The following SNRPB2 variants were observed in gnomAD, a reference collection of about 807,000 sequenced individuals.
SNRPB2 encodes the protein small nuclear ribonucleoprotein polypeptide B2.
A neutral mutation model predicts 26.3 loss-of-function variants in SNRPB2; 16 were observed. The observed-to-expected ratio is 0.61, with a 90% confidence interval of 0.41 to 0.92. The LOEUF is 0.92. Ranked by LOEUF, SNRPB2 falls within the 40% of genes least tolerant of loss-of-function variation. SNRPB2 has a pLI of 0.00. For missense variants in SNRPB2, 179 were observed against 268.1 expected, an observed-to-expected ratio of 0.67 and a Z score of 2.32; for synonymous variants, 75 against 89.0, an observed-to-expected ratio of 0.84 and a Z score of 0.88.
At chr20:16,739,569 G>GT (rs1482818529) in intron 5 of SNRPB2, among the ~76,000 whole-genome samples, 1 of 151,950 alleles carries the variant, frequency 6.6e-6, no homozygotes. Flanking sequence ...AGTTACTTGG[G>GT]TTTTTTATCT....
intron 5 of SNRPB2, among the ~76,000 whole-genome samples, chr20:16,739,905 A>G (rs1019208636): frequency 7.2e-6 from 1 of 139,370 alleles, no homozygotes; most frequent in Non-Finnish European, 1.6e-5. Context: ...TCTAGTTCCA[A>G]TTTTTTTTTT....
intron 3 of SNRPB2, among the ~76,000 whole-genome samples, 198 bp from the exon 4 acceptor site, chr20:16,737,063 A>G (rs2072430764): frequency 6.6e-6 from 1 of 152,204 alleles, no homozygotes; most frequent in Non-Finnish European, 1.5e-5. Context: ...AACACACTTG[A>G]ATCTAACTTT....
Position 16,738,842 on chromosome 20 carries a change from T to C in SNRPB2, c.379-10T>C. On this transcript the variant is annotated splice_polypyrimidine_tract_variant and intron_variant, in intron 4 of 6. Coordinates refer to ENST00000246071, the MANE Select transcript of SNRPB2 (RefSeq NM_003092.5). ...TGGATATTTAAACTCTCCCTATTTA[T>C]TTTGCTTAGGGAACTCCAAATTCAG... 4 of 1,552,772 alleles carry C rather than the reference T, an allele frequency of 2.6e-6. No individual in the cohort carries two copies. The highest frequency in any genetic ancestry group is 3.6e-6 in the Non-Finnish European group (4 of 1,124,660).
At chr20:16,737,440 T>C in intron 4 of SNRPB2, 39 bp downstream of exon 4, 1 of 1,545,644 alleles carries the variant, frequency 6.5e-7, no homozygotes, top group Non-Finnish European at 8.7e-7. Context: ...GTATTGGTGT[T>C]AAAAACTTGA....
At position 16,734,570 on chromosome 20, in the gene SNRPB2, A is replaced by G. The variant is rs550686868; in HGVS notation, c.237+2234A>G. ...TTGTGGTTAGACTTTTATCTCTAAT[A>G]GGTATTTAGCCTAGACTAGCGTTTC... On this transcript the variant is annotated intron_variant, in intron 3 of 6. Transcript: ENST00000246071. 1.5e-4 allele frequency among the ~76,000 whole-genome samples: 23 copies of G among 152,304 alleles called. 1 individual carries two copies. Among genetic ancestry groups the G allele is most frequent in the Non-Finnish European group, 3.1e-4 (21 of 68,028 alleles).
Position 16,741,409 on chromosome 20 carries a change from C to T in SNRPB2, c.*404C>T, listed in dbSNP as rs1014142857. ...TTAGATCACAGAAGCTAGTAGATGA[C>T]TGTTGTATTAATGGTAACAATGATT... On this transcript the variant is annotated 3_prime_UTR_variant, in exon 7 of 7. Transcript: ENST00000246071. 2.6e-5 allele frequency: 4 copies of T among 153,242 alleles called. No individual in the cohort carries two copies. Among genetic ancestry groups the T allele is most frequent in the African/African-American group, 9.6e-5 (4 of 41,452 alleles). The allele number at this position is 153,242 out of a possible 1,614,324, so 9.5% of individuals were successfully genotyped here. A position where few individuals can be genotyped will look rare whatever the true frequency, so the allele number is the denominator to read the frequency against.
chr20:16,734,711 G>A (rs1002184152), intron 3 of SNRPB2, among the ~76,000 whole-genome samples: 1 of 152,198 alleles, frequency 6.6e-6, no homozygotes, highest in African/African-American at 2.4e-5. Flanking sequence ...GATGCCAGTA[G>A]CATAACAACG....
At position 16,740,368 on chromosome 20, in the gene SNRPB2, T is replaced by TA; in HGVS notation, c.474dup (p.Pro159ThrfsTer5). ...AACTATATTTTATTCCTTAATAACT[T>TA]ACCAGAAGAGACTAATGAGATGATG... On this transcript the variant is annotated frameshift_variant, in exon 6 of 7. Coordinates refer to ENST00000246071, the MANE Select transcript of SNRPB2 (RefSeq NM_003092.5). LOFTEE classifies it high-confidence loss of function. 1 of 1,612,120 alleles carries TA rather than the reference T, an allele frequency of 6.2e-7. No individual in the cohort carries two copies. Among genetic ancestry groups the TA allele is most frequent in the Non-Finnish European group, 8.5e-7 (1 of 1,178,922 alleles).
intron 4 of SNRPB2, 116 bp from the exon 5 acceptor site, chr20:16,738,736 A>G: frequency 1.4e-6 from 1 of 691,226 alleles, no homozygotes; most frequent in Non-Finnish European, 2.6e-6. Context: ...TAAATGGAGT[A>G]AGAAGGATAT....
intron 6 of SNRPB2, 21 bp downstream of exon 6, chr20:16,740,434 G>T: frequency 6.2e-7 from 1 of 1,608,416 alleles, no homozygotes; most frequent in South Asian, 1.1e-5. Context: ...TCATAAATAA[G>T]TCTGTTTCTG....
At chr20:16,731,567 T>C in intron 1 of SNRPB2, 101 bp from the exon 2 acceptor site, 1 of 1,216,424 alleles carries the variant, frequency 8.2e-7, no homozygotes, top group Non-Finnish European at 1.2e-6. Context: ...ACTGACATTT[T>C]CTGACAACTG....
chr20:16,735,937 C>T (rs979422583), intron 3 of SNRPB2, among the ~76,000 whole-genome samples: 2 of 152,218 alleles, frequency 1.3e-5, no homozygotes, highest in African/African-American at 4.8e-5. Context: ...ACAGCTGCGA[C>T]ACATGTCAAT....
intron 3 of SNRPB2, among the ~76,000 whole-genome samples, chr20:16,736,136 A>G (rs1385878371): frequency 6.6e-6 from 1 of 152,250 alleles, no homozygotes; most frequent in Non-Finnish European, 1.5e-5. Flanking sequence ...TGGTACATCA[A>G]TACGATGAAA....
chr20:16,738,906 A>AT lies in SNRPB2; in HGVS notation c.429+12dup, dbSNP rs772305244. On this transcript the variant is annotated splice_donor_region_variant and intron_variant, in intron 5 of 6. Transcript: ENST00000246071. ...AAATTCAACACCAAATCCTCAGGTA[A>AT]TTTTTTTTCCATGTCGTGCTTACCT... The AT allele has an allele frequency of 2.9e-5, 47 of 1,595,738 alleles. No individual in the cohort carries two copies. Among genetic ancestry groups the AT allele is most frequent in the Non-Finnish European group, 3.6e-5 (42 of 1,163,960 alleles).
rs1199278590 is a variant in SNRPB2 at position 16,742,182 on chromosome 20, T to C, written c.*1177T>C. Reference sequence around the variant, plus strand: ...TGAATAACTTTTTTAATCCCAGTAGTCAAGCTCCTGTACTTTTGTAAAATA... The same window carrying C: ...TGAATAACTTTTTTAATCCCAGTAGCCAAGCTCCTGTACTTTTGTAAAATA... On this transcript the variant is annotated 3_prime_UTR_variant, in exon 7 of 7. Coordinates refer to ENST00000246071, the MANE Select transcript of SNRPB2 (RefSeq NM_003092.5). 6.6e-6 allele frequency: 1 copy of C among 152,194 alleles called. No homozygotes were observed. Among genetic ancestry groups the C allele is most frequent in the African/African-American group, 2.4e-5 (1 of 41,464 alleles). The allele number at this position is 152,194 out of a possible 1,614,324, so 9.4% of individuals were successfully genotyped here.
chr20:16,733,481 A>G (rs2072406066), intron 3 of SNRPB2, among the ~76,000 whole-genome samples: 1 of 152,248 alleles, frequency 6.6e-6, no homozygotes, highest in Non-Finnish European at 1.5e-5. Flanking sequence ...TTGTTCATCT[A>G]GGTTATAGTA....
intron 5 of SNRPB2, among the ~76,000 whole-genome samples, chr20:16,739,904 A>AG (rs1313307604): frequency 3.5e-5 from 5 of 142,424 alleles, no homozygotes; most frequent in African/African-American, 1.1e-4. Flanking sequence ...TTCTAGTTCC[A>AG]ATTTTTTTTT....
intron 1 of SNRPB2, chr20:16,730,441 T>A (rs1188088025): frequency 6.6e-6 from 1 of 152,456 alleles, no homozygotes; most frequent in Non-Finnish European, 1.5e-5. Flanking sequence ...AGGGTGTCCC[T>A]GTAACAACGC....
intron 4 of SNRPB2, among the ~76,000 whole-genome samples, chr20:16,737,960 A>G (rs1488402982): frequency 6.6e-6 from 1 of 150,670 alleles, no homozygotes; most frequent in Non-Finnish European, 1.5e-5. Flanking sequence ...AATAGCATGA[A>G]CCTGGGAGGT....
Sources: allele counts gnomAD v4.1 joint callset (sites outside exome capture counted in the v4.1 genomes callset), GRCh38; gene constraint gnomAD v4.1.1; transcripts MANE v1.5; gene names NCBI Gene and HGNC (gene_info 2026-07-23, HGNC 2026-07-21).